The following PLCE1 variants were observed in gnomAD, a reference collection of about 807,000 sequenced individuals.
PLCE1 encodes the protein 1-phosphatidylinositol 4,5-bisphosphate phosphodiesterase epsilon-1.
In PLCE1, 119 loss-of-function variants were observed where a neutral mutation model predicts 242.8. That is an observed-to-expected ratio of 0.49 (90% CI 0.42 to 0.57). The LOEUF (loss-of-function observed/expected upper bound fraction) is 0.57, where lower values mean the gene tolerates loss of function less well. Ranked by LOEUF, PLCE1 falls within the 20% of genes least tolerant of loss-of-function variation. The pLI is 0.00. For missense variants in PLCE1, 2,441 were observed against 2,788.8 expected (o/e 0.88, Z 2.81); for synonymous variants, 945 against 1,017.4 (o/e 0.93, Z 1.35).
intron 8 of PLCE1, 22 bp downstream of exon 8, chr10:94,246,643 C>A: frequency 6.2e-7 from 1 of 1,603,946 alleles, no homozygotes. Context: ...AGCCATCCCT[C>A]TTTCCTCACT....
chr10:94,216,462 A>G (rs1176811301), intron 4 of PLCE1, among the ~76,000 whole-genome samples: 1 of 152,140 alleles, frequency 6.6e-6, no homozygotes, highest in African/African-American at 2.4e-5. Flanking sequence ...CTGAACAAGT[A>G]TATATTTGTT....
intron 7 of PLCE1, among the ~76,000 whole-genome samples, chr10:94,237,466 A>C (rs1184920884): frequency 1.3e-5 from 2 of 152,164 alleles, no homozygotes; most frequent in African/African-American, 4.8e-5. Flanking sequence ...TTTTCTCCAC[A>C]GTCTCTTGTC....
In PLCE1 at chr10:94,036,358, A is replaced by G. The variant is rs553403917; in HGVS notation, c.1206+4106A>G. ...CATGTTTCTCAATCTATAATGAGGTAGTTTGAACAATCCTTCCCACACATT... is the reference window on the plus strand; with the variant it reads ...CATGTTTCTCAATCTATAATGAGGTGGTTTGAACAATCCTTCCCACACATT... On this transcript the variant is annotated intron_variant, in intron 2 of 32. Transcript: ENST00000371380. Among the ~76,000 whole-genome samples the G allele has an allele frequency of 2.0e-4, 31 of 152,330 alleles. No individual in the cohort carries two copies. In the South Asian group the frequency reaches 5.8e-3, roughly 29 times the overall value.
intron 27 of PLCE1, among the ~76,000 whole-genome samples, chr10:94,309,969 T>G (rs2053335093): frequency 1.3e-5 from 2 of 152,196 alleles, no homozygotes; most frequent in African/African-American, 4.8e-5. Flanking sequence ...GAGGCTACAG[T>G]GAGCTATGAT....
In PLCE1 at chr10:94,316,665, T is replaced by C. The variant is rs1472589178; in HGVS notation, c.6251T>C (p.Ile2084Thr). 8 of 1,613,620 alleles carry C rather than the reference T, an allele frequency of 5.0e-6. No individual in the cohort carries two copies. Among genetic ancestry groups the C allele is most frequent in the East Asian group, 2.2e-5 (1 of 44,872 alleles). The part of the protein sequence containing the change: ...ECRKQPFQRA[I>T]GPEEEIMQIL... The stretch of plus-strand genomic sequence containing the variant: ...AGGAAACAACCATTCCAGAGAGCCA[T>C]TGGTCCAGAAGAGGAGATCATGCAA... Residue 2084 changes from isoleucine (I) to threonine (T), a missense_variant, in exon 29 of 33, where the codon ATT (isoleucine) becomes ACT (threonine). By Grantham distance (89) the Ile-to-Thr change is moderately conservative (BLOSUM62 -1). Transcript: ENST00000371380.
intron 8 of PLCE1, 102 bp downstream of exon 8, chr10:94,246,723 CT>C: frequency 9.2e-7 from 1 of 1,086,900 alleles, no homozygotes. Flanking sequence ...CTGACAGTTA[CT>C]ACCTGTGGTG....
At chr10:94,269,133 G>A (rs948962044) in intron 17 of PLCE1, 97 bp downstream of exon 17, 13 of 629,354 alleles carry the variant, frequency 2.1e-5, no homozygotes, top group Middle Eastern at 8.8e-4. Context: ...ACGGGTTCTC[G>A]CTCTGTTATC....
chr10:94,207,182 A>C (rs979620237), intron 4 of PLCE1, among the ~76,000 whole-genome samples: 1 of 152,148 alleles, frequency 6.6e-6, no homozygotes, highest in Non-Finnish European at 1.5e-5. Flanking sequence ...GGAGCTTCAC[A>C]GAAGCACATC....
chr10:94,150,116 C>G (rs902682157), intron 3 of PLCE1, among the ~76,000 whole-genome samples: 33 of 152,262 alleles, frequency 2.2e-4, no homozygotes, highest in Non-Finnish European at 4.3e-4. Context: ...AACACACTCC[C>G]GATGTATATG....
intron 14 of PLCE1, among the ~76,000 whole-genome samples, chr10:94,263,836 T>C (rs2051405661): frequency 6.6e-6 from 1 of 152,200 alleles, no homozygotes; most frequent in South Asian, 2.1e-4. Flanking sequence ...ATTATTAGTG[T>C]ATTATTACAT....
intron 2 of PLCE1, among the ~76,000 whole-genome samples, chr10:94,059,976 A>G (rs2044004170): frequency 6.6e-6 from 1 of 152,174 alleles, no homozygotes; most frequent in African/African-American, 2.4e-5. Context: ...ACACCCTTCA[A>G]TTATATCAAA....
intron 1 of PLCE1, among the ~76,000 whole-genome samples, chr10:94,003,193 G>A (rs757939398): frequency 2.6e-5 from 4 of 152,144 alleles, no homozygotes; most frequent in Non-Finnish European, 5.9e-5. Context: ...GAAGATAATA[G>A]ACTGTTTTAT....
intron 1 of PLCE1, among the ~76,000 whole-genome samples, chr10:94,028,556 G>A (rs2134457653): frequency 6.6e-6 from 1 of 152,254 alleles, no homozygotes; most frequent in South Asian, 2.1e-4. Flanking sequence ...CGGGGAATTA[G>A]GCTCCACCTT....
intron 1 of PLCE1, among the ~76,000 whole-genome samples, chr10:94,013,609 G>A (rs1276607900): frequency 6.6e-6 from 1 of 152,228 alleles, no homozygotes; most frequent in Non-Finnish European, 1.5e-5. Context: ...AGAATGGGCA[G>A]TAAACACAAG....
intron 4 of PLCE1, among the ~76,000 whole-genome samples, chr10:94,200,138 A>G (rs1413571917): frequency 6.6e-6 from 1 of 152,240 alleles, no homozygotes; most frequent in Non-Finnish European, 1.5e-5. Context: ...TAACATACAT[A>G]TATTCCCTTG....
At chr10:94,047,322 G>A (rs555266803) in intron 2 of PLCE1, among the ~76,000 whole-genome samples, 19 of 152,278 alleles carry the variant, frequency 1.2e-4, no homozygotes, top group African/African-American at 4.3e-4. Flanking sequence ...CCTGCCAGGG[G>A]CCAGAATTGC....
chr10:94,228,614 T>G (rs953396666), intron 5 of PLCE1, among the ~76,000 whole-genome samples: 2 of 152,150 alleles, frequency 1.3e-5, no homozygotes, highest in Non-Finnish European at 1.5e-5. Context: ...ATTACTGAGA[T>G]TTTTCTTTGA....
intron 3 of PLCE1, among the ~76,000 whole-genome samples, chr10:94,157,962 G>T (rs777790413): frequency 1.2e-4 from 18 of 152,162 alleles, no homozygotes; most frequent in Non-Finnish European, 2.2e-4. Context: ...AGCGTGGGGT[G>T]CTGTGCTGTC....
At chr10:94,158,014 G>C (rs942021750) in intron 3 of PLCE1, among the ~76,000 whole-genome samples, 4 of 151,968 alleles carry the variant, frequency 2.6e-5, no homozygotes, top group African/African-American at 7.3e-5. Context: ...TCTCGGAAGA[G>C]AGCTTTAATG....
Sources: allele counts gnomAD v4.1 joint callset (sites outside exome capture counted in the v4.1 genomes callset), GRCh38; gene constraint gnomAD v4.1.1; transcripts MANE v1.5; gene names NCBI Gene and HGNC (gene_info 2026-07-23, HGNC 2026-07-21).